The following AAMDC variants were observed in gnomAD, a reference collection of about 807,000 sequenced individuals.
AAMDC encodes the protein adipogenesis associated Mth938 domain containing.
A neutral mutation model predicts 15.5 loss-of-function variants in AAMDC; 16 were observed. The ratio of observed to expected loss-of-function variants is 1.03; its 90% CI spans 0.70 to 1.57. AAMDC has a LOEUF of 1.57. Ranked by LOEUF, AAMDC falls within the 40% of genes most tolerant of loss-of-function variation. The probability of loss-of-function intolerance (pLI) is 0.00; values close to 1 mark genes in which losing one functional copy is unlikely to be tolerated. For synonymous variants in AAMDC, 51 were observed against 51.6 expected (o/e 0.99, Z 0.05); for missense variants, 141 against 144.9 (o/e 0.97, Z 0.14).
At chr11:77,894,485 A>G (rs1397355591) in intron 5 of AAMDC, 2 of 541,014 alleles carry the variant, frequency 3.7e-6, no homozygotes, top group Non-Finnish European at 6.6e-6. Context: ...AAAGTAACAG[A>G]AGACTCCTAA....
chr11:77,863,210 G>A (rs912709017), intron 2 of AAMDC, among the ~76,000 whole-genome samples: 6 of 152,140 alleles, frequency 3.9e-5, no homozygotes, highest in African/African-American at 1.2e-4. Context: ...GGACGAACCC[G>A]GGCACTTAGC....
intron 5 of AAMDC, among the ~76,000 whole-genome samples, chr11:77,886,524 C>T (rs960745710): frequency 6.6e-6 from 1 of 151,810 alleles, no homozygotes; most frequent in Non-Finnish European, 1.5e-5. Flanking sequence ...GGGTAAACGG[C>T]GGGAGTAACT....
At position 77,855,170 on chromosome 11, in the gene AAMDC, C is replaced by T. The variant is rs539017268; in HGVS notation, c.132+12542C>T. Among the ~76,000 whole-genome samples the T allele has an allele frequency of 1.1e-4, 17 of 152,304 alleles. No individual in the cohort carries two copies. In the South Asian group the frequency reaches 1.5e-3, roughly 13 times the overall value. ...AAAACCATTATTTCCTCCTAGGCCT[C>T]CAGGCCTGTGATGGGAGGAGCTACT... On this transcript the variant is annotated intron_variant, in intron 2 of 3. Coordinates refer to ENST00000393427, the MANE Select transcript of AAMDC (RefSeq NM_024684.4).
chr11:77,895,220 T>C (rs1304891371), intron 5 of AAMDC, among the ~76,000 whole-genome samples: 1 of 152,192 alleles, frequency 6.6e-6, no homozygotes, highest in Non-Finnish European at 1.5e-5. Flanking sequence ...CTATTTCTTG[T>C]ATGTAATTTC....
At position 77,897,203 on chromosome 11, in the gene AAMDC, A is replaced by C. The variant is rs1952562153; in HGVS notation, c.329-3368A>C. On this transcript the variant is annotated intron_variant, in intron 5 of 5. Coordinates refer to the AAMDC transcript ENST00000304716. The stretch of plus-strand genomic sequence containing the variant: ...ACAGTGGTGGCAAAGTTGGAGCTAA[A>C]CTTATAAAGATTATAAGTGGTGGCT... 3.3e-5 allele frequency among the ~76,000 whole-genome samples: 5 copies of C among 151,818 alleles called. No homozygotes were observed. The South Asian group carries it at 1.0e-3, about 31-fold the overall frequency.
At chr11:77,899,373 T>C (rs891285664) in intron 5 of AAMDC, among the ~76,000 whole-genome samples, 4 of 151,862 alleles carry the variant, frequency 2.6e-5, no homozygotes, top group East Asian at 1.9e-4. Flanking sequence ...CAGGAATGCA[T>C]ACAAATGAAA....
intron 2 of AAMDC, among the ~76,000 whole-genome samples, chr11:77,854,472 T>C (rs1196510245): frequency 6.6e-6 from 1 of 152,202 alleles, no homozygotes; most frequent in African/African-American, 2.4e-5. Flanking sequence ...AAGTGAGAAA[T>C]TATCCAAAAC....
chr11:77,894,498 G>C (rs1169757135), intron 5 of AAMDC: 5 of 535,490 alleles, frequency 9.3e-6, no homozygotes, highest in Admixed American at 3.9e-5. Flanking sequence ...ACTCCTAATG[G>C]ACCTGGGGGA....
chr11:77,901,584 A>T (rs1952779031), downstream of AAMDC: 2 of 1,515,452 alleles, frequency 1.3e-6, no homozygotes, highest in African/African-American at 2.7e-5. Flanking sequence ...AATCAATAAA[A>T]ATATCATAGT....
intron 5 of AAMDC, chr11:77,879,145 G>A (rs201190994): frequency 6.2e-7 from 1 of 1,613,482 alleles, no homozygotes; most frequent in Admixed American, 1.7e-5. Context: ...AAAGATAAAA[G>A]AAATCCTCTA....
downstream of AAMDC, chr11:77,876,950 G>A (rs1951612510): frequency 1.4e-6 from 1 of 703,170 alleles, no homozygotes; most frequent in Non-Finnish European, 2.6e-6. Context: ...TTTTGTCTAG[G>A]CTCCAACCCA....
At chr11:77,897,407 T>G (rs1046488274) in intron 5 of AAMDC, among the ~76,000 whole-genome samples, 7 of 151,442 alleles carry the variant, frequency 4.6e-5, no homozygotes, top group Non-Finnish European at 7.4e-5. Context: ...ATTATGTACT[T>G]ATAACTTTAA....
At chr11:77,889,026 A>C (rs1483975517) in intron 5 of AAMDC, among the ~76,000 whole-genome samples, 1 of 152,234 alleles carries the variant, frequency 6.6e-6, no homozygotes, top group Non-Finnish European at 1.5e-5. Context: ...GCAATTCCTC[A>C]GGGATCTAGA....
At chr11:77,847,480 G>A (rs1950193681) in intron 2 of AAMDC, among the ~76,000 whole-genome samples, 1 of 152,124 alleles carries the variant, frequency 6.6e-6, no homozygotes, top group Non-Finnish European at 1.5e-5. Flanking sequence ...ATTGATGATT[G>A]TGACACCCAG....
intron 5 of AAMDC, among the ~76,000 whole-genome samples, chr11:77,886,939 A>G (rs1952040837): frequency 6.6e-6 from 1 of 152,096 alleles, no homozygotes; most frequent in Admixed American, 6.6e-5. Flanking sequence ...TCTGGGACAC[A>G]TTCAAAGCAG....
At chr11:77,845,370 C>G (rs1207082743) in intron 2 of AAMDC, among the ~76,000 whole-genome samples, 2 of 151,932 alleles carry the variant, frequency 1.3e-5, no homozygotes, top group African/African-American at 2.4e-5. Flanking sequence ...CTGTTGAGCC[C>G]CTGTAGTGAC....
chr11:77,892,236 G>A (rs990497181), intron 5 of AAMDC, among the ~76,000 whole-genome samples: 9 of 152,146 alleles, frequency 5.9e-5, no homozygotes, highest in African/African-American at 1.7e-4. Flanking sequence ...AGAAAAAAAC[G>A]ATTGCTTCAA....
chr11:77,904,514 C>T (rs751154545), downstream of AAMDC, among the ~76,000 whole-genome samples: 2 of 152,168 alleles, frequency 1.3e-5, no homozygotes, highest in Non-Finnish European at 2.9e-5. Flanking sequence ...TCTGAGAAAT[C>T]CAGTGTGTAT....
intron 5 of AAMDC, among the ~76,000 whole-genome samples, chr11:77,898,062 C>T (rs1365489255): frequency 6.6e-6 from 1 of 152,180 alleles, no homozygotes; most frequent in Non-Finnish European, 1.5e-5. Context: ...AGCGATCCTC[C>T]TGCTTTGGCC....
Sources: allele counts gnomAD v4.1 joint callset (sites outside exome capture counted in the v4.1 genomes callset), GRCh38; gene constraint gnomAD v4.1.1; transcripts MANE v1.5; gene names NCBI Gene and HGNC (gene_info 2026-07-23, HGNC 2026-07-21).